GTF2H5: variants seen among roughly 807,000 people sequenced by gnomAD.
GTF2H5 encodes general transcription factor IIH subunit 5.
Under a neutral mutation model 7.1 loss-of-function variants are expected in GTF2H5, and 5 were observed. The observed-to-expected ratio is 0.71, with a 90% confidence interval of 0.37 to 1.49. The LOEUF (loss-of-function observed/expected upper bound fraction) is 1.49. GTF2H5 is among the 40% of genes most tolerant of loss of function. The probability of loss-of-function intolerance (pLI) is 0.03; values close to 1 mark genes in which losing one functional copy is unlikely to be tolerated. For missense variants in GTF2H5, 80 were observed against 83.0 expected (o/e 0.96, Z 0.14); for synonymous variants, 30 against 31.7 (o/e 0.95, Z 0.18).
At chr6:158,190,458 G>GT (rs1777008053) in intron 2 of GTF2H5, among the ~76,000 whole-genome samples, 1 of 152,048 alleles carries the variant, frequency 6.6e-6, no homozygotes, top group African/African-American at 2.4e-5. Context: ...CACCTCATGG[G>GT]TCCCCTGCTT....
intron 2 of GTF2H5, among the ~76,000 whole-genome samples, chr6:158,171,147 A>T (rs905836346): frequency 3.3e-5 from 5 of 152,216 alleles, no homozygotes; most frequent in Admixed American, 2.6e-4. Context: ...ACCCTAGGAC[A>T]CTGCCAACAT....
intron 1 of GTF2H5, among the ~76,000 whole-genome samples, chr6:158,169,260 TTATATATGTATTTTATATATAA>T: frequency 7.6e-6 from 1 of 132,344 alleles, no homozygotes; most frequent in East Asian, 2.0e-4. Context: ...TATATATATA[TTATATATGTATTTTATATATAA>T]TATATATTTA....
intron 2 of GTF2H5, among the ~76,000 whole-genome samples, chr6:158,185,480 G>A (rs1175331614): frequency 6.6e-6 from 1 of 150,378 alleles, no homozygotes; most frequent in African/African-American, 2.5e-5. Flanking sequence ...GGTTGAGGCT[G>A]CAGTGAATTG....
At chr6:158,173,241 C>G (rs989030419) in intron 2 of GTF2H5, among the ~76,000 whole-genome samples, 1 of 152,194 alleles carries the variant, frequency 6.6e-6, no homozygotes, top group Non-Finnish European at 1.5e-5. Context: ...ACCATCCTTG[C>G]AAAACTAATT....
chr6:158,188,096 G>A (rs1045440377), intron 2 of GTF2H5, among the ~76,000 whole-genome samples: 4 of 152,224 alleles, frequency 2.6e-5, no homozygotes, highest in African/African-American at 9.7e-5. Context: ...TGTATACTAA[G>A]AAACCTCTAT....
chr6:158,173,570 G>A (rs2128429216), intron 2 of GTF2H5, among the ~76,000 whole-genome samples: 1 of 152,256 alleles, frequency 6.6e-6, no homozygotes, highest in East Asian at 1.9e-4. Context: ...GCATTTAGGT[G>A]TATTGGAGTA....
At chr6:158,176,174 A>G (rs1785931341) in intron 2 of GTF2H5, among the ~76,000 whole-genome samples, 2 of 152,182 alleles carry the variant, frequency 1.3e-5, no homozygotes, top group African/African-American at 4.8e-5. Flanking sequence ...AGCCCAGGCT[A>G]CTAAACGTTA....
At chr6:158,178,848 T>C (rs975947868) in intron 2 of GTF2H5, among the ~76,000 whole-genome samples, 3 of 152,222 alleles carry the variant, frequency 2.0e-5, no homozygotes, top group African/African-American at 7.2e-5. Context: ...AGCTCTTTAG[T>C]GTAATTAGAT....
intron 2 of GTF2H5, 41 bp downstream of exon 2, chr6:158,170,579 T>C (rs748469697): frequency 1.5e-6 from 2 of 1,351,232 alleles, no homozygotes; most frequent in South Asian, 1.2e-5. Context: ...AGTTTAAATA[T>C]TGAATCTTGA....
intron 2 of GTF2H5, among the ~76,000 whole-genome samples, chr6:158,186,006 A>G (rs1038877162): frequency 6.6e-6 from 1 of 152,208 alleles, no homozygotes; most frequent in Non-Finnish European, 1.5e-5. Flanking sequence ...AAAAATAAAG[A>G]GAGCAAAAAA....
intron 2 of GTF2H5, among the ~76,000 whole-genome samples, chr6:158,174,278 A>G (rs1343276939): frequency 6.6e-6 from 1 of 152,122 alleles, no homozygotes; most frequent in African/African-American, 2.4e-5. Context: ...GTGCTGATCC[A>G]CATATATCTT....
Position 158,197,268 on chromosome 6 carries a change from TA to T in GTF2H5, c.*5112del. 1 of 187,840 alleles carries T rather than the reference TA, an allele frequency of 5.3e-6. No homozygotes were observed. Among genetic ancestry groups the T allele is most frequent in the Non-Finnish European group, 1.2e-5 (1 of 81,058 alleles). 11.6% of individuals were successfully genotyped at this position (187,840 alleles called of 1,614,324 possible). A position where few individuals can be genotyped will look rare whatever the true frequency, so the allele number is the denominator to read the frequency against. ...CCCACTAACACACATTTAAATAAGA[TA>T]CCCAAATGCAGAAAGAAAAGCACAG... is the stretch of plus-strand genomic sequence containing the variant. On this transcript the variant is annotated 3_prime_UTR_variant, in exon 3 of 3. Coordinates refer to ENST00000607778, the MANE Select transcript of GTF2H5 (RefSeq NM_207118.3).
In GTF2H5 at chr6:158,169,745, T is replaced by TATATTATATATTATATATAA. The variant is rs374070331; in HGVS notation, c.-34-725_-34-724insATATTATATATTATATATAA. Among the ~76,000 whole-genome samples the TATATTATATATTATATATAA allele has an allele frequency of 7.4e-5, 4 of 54,052 alleles. 1 individual carries two copies. Among genetic ancestry groups the TATATTATATATTATATATAA allele is most frequent in the African/African-American group, 4.2e-4 (4 of 9,572 alleles). The allele number at this position is 54,052 out of a possible 152,430, so 35.5% of individuals were successfully genotyped here. A position where few individuals can be genotyped will look rare whatever the true frequency, so the allele number is the denominator to read the frequency against. On this transcript the variant is annotated intron_variant, in intron 1 of 2. Transcript: ENST00000607778. Reference sequence around the variant, plus strand: ...TATATAATATATTGTATATTATATATTATATAATATATTGTATATTATATA... The same window carrying TATATTATATATTATATATAA: ...TATATAATATATTGTATATTATATATATATTATATATTATATATAATATATAATATATTGTATATTATATA...
intron 1 of GTF2H5, among the ~76,000 whole-genome samples, chr6:158,169,773 A>ATATATTGTATATTATATATAG (rs1785815774): frequency 1.2e-5 from 1 of 83,956 alleles, no homozygotes; most frequent in Non-Finnish European, 2.2e-5. Flanking sequence ...ATTATATATA[A>ATATATTGTATATTATATATAG]TATATTGTAT....
At chr6:158,174,743 G>T (rs1290770453) in intron 2 of GTF2H5, among the ~76,000 whole-genome samples, 1 of 152,192 alleles carries the variant, frequency 6.6e-6, no homozygotes, top group Non-Finnish European at 1.5e-5. Context: ...CTTCAGCAAA[G>T]ATTTGTTGCC....
chr6:158,184,309 A>G (rs1050115534), intron 2 of GTF2H5, among the ~76,000 whole-genome samples: 1 of 152,116 alleles, frequency 6.6e-6, no homozygotes, highest in African/African-American at 2.4e-5. Context: ...TTCTAGTTAG[A>G]AGCCTGAGAA....
At chr6:158,178,456 CAAA>C (rs34745319) in intron 2 of GTF2H5, among the ~76,000 whole-genome samples, 9 of 88,508 alleles carry the variant, frequency 1.0e-4, no homozygotes, top group Non-Finnish European at 8.7e-5. Context: ...GACTCCATCT[CAAA>C]AAAAAAAAAA....
At position 158,179,791 on chromosome 6, in the gene GTF2H5, G is replaced by T. The variant is rs150197114; in HGVS notation, c.35+9253G>T. Among the ~76,000 whole-genome samples the T allele has an allele frequency of 7.9e-3, 1,199 of 152,222 alleles. 17 individuals are homozygous for T. Among genetic ancestry groups the T allele is most frequent in the African/African-American group, 0.027 (1,132 of 41,532 alleles). On this transcript the variant is annotated intron_variant, in intron 2 of 2. Transcript: ENST00000607778. ...AATCATGTCATCTGCAAACAGAGATGATTTGACTTCCTCTCTTCCTATCTG... is the reference window on the plus strand; with the variant it reads ...AATCATGTCATCTGCAAACAGAGATTATTTGACTTCCTCTCTTCCTATCTG...
intron 2 of GTF2H5, among the ~76,000 whole-genome samples, chr6:158,181,560 T>C (rs1786010911): frequency 6.6e-6 from 1 of 152,222 alleles, no homozygotes; most frequent in Non-Finnish European, 1.5e-5. Context: ...TCCCCCTGTA[T>C]TGGGTGCATA....
Sources: allele counts gnomAD v4.1 joint callset (sites outside exome capture counted in the v4.1 genomes callset), GRCh38; gene constraint gnomAD v4.1.1; transcripts MANE v1.5; gene names NCBI Gene and HGNC (gene_info 2026-07-23, HGNC 2026-07-21).